The following FAM149A variants were observed in gnomAD, a reference collection of about 807,000 sequenced individuals.
The protein encoded by FAM149A is family with sequence similarity 149 member A.
FAM149A carries 71 observed loss-of-function variants against 78.2 expected under a neutral mutation model. The observed-to-expected ratio is 0.91, with a 90% CI of 0.75 to 1.11. The LOEUF (loss-of-function observed/expected upper bound fraction) is 1.11, where lower values mean the gene tolerates loss of function less well. FAM149A is among the 50% of genes least tolerant of loss of function. FAM149A has a pLI of 0.00. For synonymous variants in FAM149A, 446 were observed against 410.5 expected, an observed-to-expected ratio of 1.09 and a Z score of -1.04; for missense variants, 1,036 against 971.0, an observed-to-expected ratio of 1.07 and a Z score of -0.89.
chr4:186,139,415 G>A (rs1021677637), intron 1 of FAM149A, among the ~76,000 whole-genome samples: 1 of 151,954 alleles, frequency 6.6e-6, no homozygotes, highest in Non-Finnish European at 1.5e-5. Context: ...GAGGCGATTA[G>A]GTCATGATTG....
intron 5 of FAM149A, 109 bp from the exon 6 acceptor site, chr4:186,154,359 G>A (rs574807448): frequency 1.2e-6 from 1 of 866,948 alleles, no homozygotes; most frequent in Non-Finnish European, 1.7e-6. Flanking sequence ...GTTTTGGGAG[G>A]GGGGGATTCT....
chr4:186,151,168 C>T (rs1031428446), intron 3 of FAM149A: 3 of 544,006 alleles, frequency 5.5e-6, no homozygotes, highest in Non-Finnish European at 7.0e-6. Flanking sequence ...CTTTCACGCA[C>T]GCAGCTCCCT....
In FAM149A at chr4:186,174,725, C is replaced by A. The variant is rs142757141; in HGVS notation, c.*2738C>A. Reference sequence around the variant, plus strand: ...GCCCTGTCATTGATTTTAAAAATGACCTTCTCATTGCACTGATTTTTACTC... The same window carrying A: ...GCCCTGTCATTGATTTTAAAAATGAACTTCTCATTGCACTGATTTTTACTC... On this transcript the variant is annotated 3_prime_UTR_variant, in exon 14 of 14. Transcript: ENST00000389354. Among the ~76,000 whole-genome samples, 2 of 110,414 alleles carry A rather than the reference C, an allele frequency of 1.8e-5. 1 individual carries two copies. Among genetic ancestry groups the A allele is most frequent in the South Asian group, 5.6e-4 (2 of 3,596 alleles). The allele number at this position is 110,414 out of a possible 152,430, so 72.4% of individuals were successfully genotyped here. A position where few individuals can be genotyped will look rare whatever the true frequency, so the allele number is the denominator to read the frequency against.
intron 8 of FAM149A, among the ~76,000 whole-genome samples, chr4:186,160,388 TCA>T (rs1437242956): frequency 3.7e-5 from 3 of 80,734 alleles, no homozygotes. Context: ...CACACACCAC[TCA>T]CACACACACT....
At chr4:186,109,500 G>A in intron 1 of FAM149A, 1 of 985,358 alleles carries the variant, frequency 1.0e-6, no homozygotes, top group Non-Finnish European at 1.2e-6. Context: ...AGACGAGGTG[G>A]ATTCCACCTC....
intron 1 of FAM149A, chr4:186,117,379 G>C (rs2150086767): frequency 1.0e-6 from 1 of 955,872 alleles, no homozygotes. Context: ...TGGATCTTAT[G>C]AAAAAGCAGG....
intron 1 of FAM149A, chr4:186,123,778 C>G: frequency 1.1e-6 from 1 of 936,828 alleles, no homozygotes; most frequent in Non-Finnish European, 1.3e-6. Flanking sequence ...AACTAATGTG[C>G]TGGCTTTTCA....
At chr4:186,160,414 A>C (rs929497411) in intron 8 of FAM149A, among the ~76,000 whole-genome samples, 6 of 146,848 alleles carry the variant, frequency 4.1e-5, no homozygotes, top group African/African-American at 1.5e-4. Flanking sequence ...CACACCCCCC[A>C]CATAAACACA....
chr4:186,139,524 T>G (rs1308438133), intron 1 of FAM149A, among the ~76,000 whole-genome samples: 5 of 152,164 alleles, frequency 3.3e-5, no homozygotes, highest in Non-Finnish European at 5.9e-5. Context: ...AGGCACCATC[T>G]AGGAAGCATG....
chr4:186,116,372 G>C, intron 1 of FAM149A: 8 of 609,216 alleles, frequency 1.3e-5, no homozygotes, highest in Non-Finnish European at 1.4e-5. Flanking sequence ...CTCACGCTGG[G>C]AGCTGTAGAC....
chr4:186,136,097 T>A (rs2099322568), intron 1 of FAM149A, among the ~76,000 whole-genome samples: 1 of 152,232 alleles, frequency 6.6e-6, no homozygotes, highest in African/African-American at 2.4e-5. Flanking sequence ...TAGCAATTAC[T>A]ACGAAGTCTT....
chr4:186,109,572 TTC>T, intron 1 of FAM149A: 1 of 985,432 alleles, frequency 1.0e-6, no homozygotes. Context: ...GCTGTAGTTT[TTC>T]TTTCTTGATA....
chr4:186,149,503 G>T, intron 2 of FAM149A, 63 bp from the exon 3 acceptor site: 2 of 1,274,020 alleles, frequency 1.6e-6, no homozygotes, highest in Non-Finnish European at 2.0e-6. Context: ...GAAAAGTGAA[G>T]CCACTTAGCC....
In FAM149A at chr4:186,108,672, G is replaced by A. The variant is rs1379582762; in HGVS notation, c.566+3030G>A. ...CTCTCTGTCTTCACCTCACTTTCCT[G>A]CATCCCTGGATACGTGATCCAACAC... On this transcript the variant is annotated intron_variant, in intron 1 of 13. Coordinates refer to ENST00000389354, the MANE Select transcript of FAM149A (RefSeq NM_001367768.3). Among the ~76,000 whole-genome samples the A allele has an allele frequency of 2.0e-5, 3 of 152,034 alleles. No homozygotes were observed. In the East Asian group the frequency reaches 5.8e-4, roughly 29 times the overall value.
Position 186,144,754 on chromosome 4 carries a change from G to T in FAM149A, c.567-4419G>T. 9.9e-6 allele frequency: 9 copies of T among 912,990 alleles called. No individual in the cohort carries two copies. Among genetic ancestry groups the T allele is most frequent in the South Asian group, 4.9e-5 (1 of 20,512 alleles). The allele number at this position is 912,990 out of a possible 1,614,324, so 56.6% of individuals were successfully genotyped here. ...CGGGGCCGGGGCCGGGGCCCGGAGC[G>T]GGGATGGGCGGGCGCAGCCGGGATT... is the stretch of plus-strand genomic sequence containing the variant. On this transcript the variant is annotated intron_variant, in intron 1 of 13. Transcript: ENST00000389354. This position sits in a 1 kb window ranked among gnomAD's most constrained non-coding sequence, Gnocchi z 4.2.
At position 186,144,679 on chromosome 4, in the gene FAM149A, G is replaced by C. The variant is rs1167404122; in HGVS notation, c.567-4494G>C. 3 of 453,286 alleles carry C rather than the reference G, an allele frequency of 6.6e-6. No homozygotes were observed. The highest frequency in any genetic ancestry group is 8.8e-6 in the Non-Finnish European group (3 of 342,610). 28.1% of individuals were successfully genotyped at this position (453,286 alleles called of 1,614,324 possible). On this transcript the variant is annotated intron_variant, in intron 1 of 13. Coordinates refer to ENST00000389354, the MANE Select transcript of FAM149A (RefSeq NM_001367768.3). The surrounding 1 kb of genome is among the most constrained non-coding windows in gnomAD (Gnocchi z 4.2). ...GAGTGGCCGCTGGGTTGGAAACCCG[G>C]CCCGGCAGGGAGCGGGGAAGGCGCG...
chr4:186,136,952 C>CTCTCTCTCTT (rs2099323104), intron 1 of FAM149A, among the ~76,000 whole-genome samples: 1 of 118,196 alleles, frequency 8.5e-6, no homozygotes, highest in African/African-American at 3.5e-5. Flanking sequence ...CTCTCTCTCT[C>CTCTCTCTCTT]TCTCTCTCTC....
In FAM149A at chr4:186,105,521, C is replaced by T. The variant is rs763985287; in HGVS notation, c.445C>T (p.Pro149Ser). The T allele has an allele frequency of 2.9e-5, 33 of 1,155,626 alleles. No individual in the cohort carries two copies. The highest frequency in any genetic ancestry group is 4.3e-6 in the Non-Finnish European group (4 of 932,156). The allele number at this position is 1,155,626 out of a possible 1,614,324, so 71.6% of individuals were successfully genotyped here. The change falls in exon 1 of 14, where the codon CCC (proline) becomes TCC (serine). Residue 149 changes from proline to serine, a missense_variant. By Grantham distance (74) the Pro-to-Ser change is moderately conservative. Around this residue, in one of 3 missense-constraint regions of FAM149A, gnomAD observed 316 missense variants for 241.9 expected, o/e 1.31. Transcript: ENST00000389354. ...CCCCAGGAACCCGCTCCAGCCTGGC[C>T]CCGGAGAGCGAGAGCTCGGCGCCTG...
chr4:186,168,773 G>C (rs1173661536), intron 13 of FAM149A, among the ~76,000 whole-genome samples: 1 of 152,204 alleles, frequency 6.6e-6, no homozygotes, highest in Non-Finnish European at 1.5e-5. Context: ...TATGCCAAAG[G>C]CTGGGATTCA....
Sources: allele counts gnomAD v4.1 joint callset (sites outside exome capture counted in the v4.1 genomes callset), GRCh38; gene constraint gnomAD v4.1.1; regional missense constraint gnomAD v4.1.1; non-coding constraint Gnocchi (gnomAD v3.1); transcripts MANE v1.5; gene names NCBI Gene and HGNC (gene_info 2026-07-23, HGNC 2026-07-21).